SLC22A23: variants seen among roughly 807,000 people sequenced by gnomAD.
The protein encoded by SLC22A23 is solute carrier family 22 member 23, also known as ion transporter protein.
A neutral mutation model predicts 61.0 loss-of-function variants in SLC22A23; 26 were observed. That is an observed-to-expected ratio of 0.43 (90% CI 0.31 to 0.59). SLC22A23 has a LOEUF of 0.59. SLC22A23 is among the 20% of genes least tolerant of loss of function. The probability of loss-of-function intolerance (pLI) is 0.11; values close to 1 mark genes in which losing one functional copy is unlikely to be tolerated. For missense variants in SLC22A23, 796 were observed against 934.7 expected (o/e 0.85, Z 1.94); for synonymous variants, 430 against 413.9 (o/e 1.04, Z -0.47).
At chr6:3,365,407 G>A (rs1765742812) in intron 3 of SLC22A23, among the ~76,000 whole-genome samples, 1 of 152,196 alleles carries the variant, frequency 6.6e-6, no homozygotes, top group African/African-American at 2.4e-5. Context: ...GGGAAACACA[G>A]GAGTAGACTA....
At chr6:3,354,133 G>C (rs1175921219) in intron 3 of SLC22A23, among the ~76,000 whole-genome samples, 1 of 152,182 alleles carries the variant, frequency 6.6e-6, no homozygotes, top group Non-Finnish European at 1.5e-5. Flanking sequence ...CTTAGAGTTG[G>C]CATGGCCAAG....
chr6:3,443,370 G>A (rs1771715939), intron 1 of SLC22A23, among the ~76,000 whole-genome samples: 1 of 152,194 alleles, frequency 6.6e-6, no homozygotes. Flanking sequence ...TGGCAACACT[G>A]TGTTGGTGAC....
intron 1 of SLC22A23, among the ~76,000 whole-genome samples, chr6:3,420,232 G>GAAAAAAAAA (rs34794008): frequency 1.8e-4 from 19 of 102,708 alleles, no homozygotes; most frequent in Admixed American, 2.1e-4. Flanking sequence ...AGCAAAATGA[G>GAAAAAAAAA]AAAAAAAAAA....
chr6:3,412,293 C>T (rs571180528), intron 2 of SLC22A23, among the ~76,000 whole-genome samples: 1 of 152,320 alleles, frequency 6.6e-6, no homozygotes, highest in African/African-American at 2.4e-5. Context: ...CAAACACTGT[C>T]TTTGAAGTCA....
At chr6:3,321,930 C>G (rs1258673168) in intron 4 of SLC22A23, among the ~76,000 whole-genome samples, 2 of 151,402 alleles carry the variant, frequency 1.3e-5, no homozygotes, top group Non-Finnish European at 2.9e-5. Flanking sequence ...TAGCACCAGC[C>G]AGCATGACCA....
chr6:3,363,758 G>A (rs942457284), intron 3 of SLC22A23, among the ~76,000 whole-genome samples: 3 of 152,234 alleles, frequency 2.0e-5, no homozygotes, highest in Non-Finnish European at 2.9e-5. Context: ...TTCTGGGGTG[G>A]TGGTGGGAGC....
chr6:3,325,471 G>A lies in SLC22A23; in HGVS notation c.914-1469C>T, dbSNP rs571736398. Among the ~76,000 whole-genome samples, 5 of 152,326 alleles carry A rather than the reference G, an allele frequency of 3.3e-5. No homozygotes were observed. The East Asian group carries it at 9.6e-4, about 29-fold the overall frequency. On this transcript the variant is annotated intron_variant, in intron 3 of 9. Coordinates refer to ENST00000406686, the MANE Select transcript of SLC22A23 (RefSeq NM_015482.2). ...AAACAGATCATCATCATAGCTATCAGTGAACAAGAGAGAAACCAGATTTCA... is the reference window on the plus strand; with the variant it reads ...AAACAGATCATCATCATAGCTATCAATGAACAAGAGAGAAACCAGATTTCA...
chr6:3,374,538 A>C (rs1221270631), intron 3 of SLC22A23, among the ~76,000 whole-genome samples: 2 of 152,246 alleles, frequency 1.3e-5, no homozygotes, highest in African/African-American at 4.8e-5. Flanking sequence ...GCTGGAATAA[A>C]GGGTGTGCTT....
chr6:3,406,992 T>C (rs1270666337), intron 3 of SLC22A23, among the ~76,000 whole-genome samples: 4 of 152,090 alleles, frequency 2.6e-5, no homozygotes, highest in Admixed American at 2.6e-4. Context: ...CAAAAATCAT[T>C]ACTTTCCCTA....
chr6:3,405,644 T>C (rs1768776525), intron 3 of SLC22A23, among the ~76,000 whole-genome samples: 2 of 151,196 alleles, frequency 1.3e-5, no homozygotes, highest in East Asian at 1.9e-4. Flanking sequence ...TTTACATATA[T>C]AGCATAGTGC....
At chr6:3,415,007 T>G (rs952341736) in intron 2 of SLC22A23, among the ~76,000 whole-genome samples, 1 of 152,166 alleles carries the variant, frequency 6.6e-6, no homozygotes, top group East Asian at 1.9e-4. Flanking sequence ...CTTGGAGATT[T>G]TACTTACACT....
chr6:3,409,096 G>A (rs191336505), intron 3 of SLC22A23, among the ~76,000 whole-genome samples: 1 of 152,306 alleles, frequency 6.6e-6, no homozygotes, highest in Admixed American at 6.5e-5. Flanking sequence ...CCATCACCCA[G>A]GCCCACTCAT....
Position 3,369,616 on chromosome 6 carries a change from G to A in SLC22A23, c.913+40572C>T, listed in dbSNP as rs573207615. 1.3e-3 allele frequency among the ~76,000 whole-genome samples: 205 copies of A among 152,122 alleles called. 1 individual carries two copies. The highest frequency in any genetic ancestry group is 1.2e-3 in the Non-Finnish European group (84 of 67,996). On this transcript the variant is annotated intron_variant, in intron 3 of 9. Coordinates refer to ENST00000406686, the MANE Select transcript of SLC22A23 (RefSeq NM_015482.2). ...TGAGGCAGGAGAATGGCTTCAATCT[G>A]GGAGGTGGAGGTTGCAGTGAGCCAA... is the stretch of plus-strand genomic sequence containing the variant.
chr6:3,456,815 C>T lies in SLC22A23; in HGVS notation c.-256G>A, dbSNP rs1466177891. ...CAGAGGCCGGCCGGGCCCTCAGCCG[C>T]CGCGGCTCATCAGTTCCGCGGCCCG... is the stretch of plus-strand genomic sequence containing the variant. On this transcript the variant is annotated 5_prime_UTR_variant, in exon 1 of 10. Coordinates refer to ENST00000406686, the MANE Select transcript of SLC22A23 (RefSeq NM_015482.2). This position sits in a 1 kb window ranked among gnomAD's most constrained non-coding sequence, Gnocchi z 7.1. The T allele has an allele frequency of 6.8e-6, 1 of 147,118 alleles. No individual in the cohort carries two copies. The highest frequency in any genetic ancestry group is 2.0e-4 in the East Asian group (1 of 5,028). 9.1% of individuals were successfully genotyped at this position (147,118 alleles called of 1,614,324 possible). A position where few individuals can be genotyped will look rare whatever the true frequency, so the allele number is the denominator to read the frequency against.
intron 9 of SLC22A23, chr6:3,282,128 G>A (rs1009745598): frequency 5.8e-6 from 4 of 690,278 alleles, no homozygotes; most frequent in Non-Finnish European, 5.3e-6. Flanking sequence ...GGCTGCAGGA[G>A]GCCAGCTGGA....
Position 3,396,137 on chromosome 6 carries a change from G to A in SLC22A23, c.913+14051C>T, listed in dbSNP as rs552097972. ...CTCCATCTCTTAGTGATATACGGAAGGGAAGTGCTAGGAAGGGAAGAGCTG... is the reference window on the plus strand; with the variant it reads ...CTCCATCTCTTAGTGATATACGGAAAGGAAGTGCTAGGAAGGGAAGAGCTG... On this transcript the variant is annotated intron_variant, in intron 3 of 9. Coordinates refer to ENST00000406686, the MANE Select transcript of SLC22A23 (RefSeq NM_015482.2). 4.6e-5 allele frequency among the ~76,000 whole-genome samples: 7 copies of A among 152,326 alleles called. 1 individual carries two copies. The highest frequency in any genetic ancestry group is 1.7e-4 in the African/African-American group (7 of 41,566).
intron 3 of SLC22A23, among the ~76,000 whole-genome samples, chr6:3,395,848 G>A (rs1035002513): frequency 3.3e-5 from 5 of 152,136 alleles, no homozygotes; most frequent in African/African-American, 4.8e-5. Flanking sequence ...TCTGTTTCAG[G>A]AAAAGACTAT....
At chr6:3,391,890 G>A (rs1450230690) in intron 3 of SLC22A23, among the ~76,000 whole-genome samples, 1 of 152,174 alleles carries the variant, frequency 6.6e-6, no homozygotes, top group African/African-American at 2.4e-5. Context: ...ATTTCAGGCA[G>A]AGGGAAAGGT....
chr6:3,323,374 G>A, intron 4 of SLC22A23: 1 of 457,456 alleles, frequency 2.2e-6, no homozygotes, highest in South Asian at 1.5e-5. Context: ...TACAAAAACA[G>A]ACAGTGGGCC....
Sources: allele counts gnomAD v4.1 joint callset (sites outside exome capture counted in the v4.1 genomes callset), GRCh38; gene constraint gnomAD v4.1.1; non-coding constraint Gnocchi (gnomAD v3.1); transcripts MANE v1.5; gene names NCBI Gene and HGNC (gene_info 2026-07-23, HGNC 2026-07-21).